The following NRXN1 variants were observed in gnomAD, a reference collection of about 807,000 sequenced individuals.
NRXN1 encodes the protein neurexin 1.
Under a neutral mutation model 150.9 loss-of-function variants are expected in NRXN1, and 39 were observed. That is an observed-to-expected ratio of 0.26 (90% confidence interval 0.20 to 0.34). The LOEUF is 0.34. Ranked by LOEUF, NRXN1 falls within the 10% of genes least tolerant of loss-of-function variation. The pLI is 1.00. For missense variants in NRXN1, 1,815 were observed against 1,949.9 expected, an observed-to-expected ratio of 0.93 and a Z score of 1.30; for synonymous variants, 924 against 757.0, an observed-to-expected ratio of 1.22 and a Z score of -3.62.
intron 17 of NRXN1, among the ~76,000 whole-genome samples, chr2:50,361,349 AATAG>A (rs1205152967): frequency 3.3e-5 from 5 of 152,302 alleles, no homozygotes; most frequent in East Asian, 3.9e-4. Flanking sequence ...AGATCAACAA[AATAG>A]ATAGACCACT....
intron 18 of NRXN1, among the ~76,000 whole-genome samples, chr2:50,116,743 G>A (rs1440187615): frequency 2.0e-5 from 3 of 152,026 alleles, no homozygotes; most frequent in Admixed American, 2.0e-4. Flanking sequence ...ACATTTTCAT[G>A]CAAATCAAGT....
intron 2 of NRXN1, among the ~76,000 whole-genome samples, chr2:50,959,501 C>G (rs1692803432): frequency 6.6e-6 from 1 of 151,866 alleles, no homozygotes; most frequent in South Asian, 2.1e-4. Context: ...TCCCAAAATG[C>G]CACATCTTAT....
At chr2:50,633,691 C>T (rs1273037759) in intron 5 of NRXN1, among the ~76,000 whole-genome samples, 1 of 151,986 alleles carries the variant, frequency 6.6e-6, no homozygotes, top group Non-Finnish European at 1.5e-5. Flanking sequence ...TCTTTGATTT[C>T]AACACAGAAA....
At chr2:50,264,583 T>C (rs1056569722) in intron 17 of NRXN1, among the ~76,000 whole-genome samples, 2 of 151,980 alleles carry the variant, frequency 1.3e-5, no homozygotes, top group African/African-American at 4.8e-5. Flanking sequence ...TATCTATGTA[T>C]AATAAATCAA....
chr2:50,300,230 A>G (rs2074024513), intron 17 of NRXN1, among the ~76,000 whole-genome samples: 1 of 152,220 alleles, frequency 6.6e-6, no homozygotes, highest in Non-Finnish European at 1.5e-5. Flanking sequence ...TAACTTTTTA[A>G]GCTGGACTGA....
intron 5 of NRXN1, among the ~76,000 whole-genome samples, chr2:50,638,436 A>T (rs1391772591): frequency 1.3e-5 from 2 of 152,178 alleles, no homozygotes; most frequent in African/African-American, 4.8e-5. Flanking sequence ...AATAAAATAG[A>T]CACATTATAA....
chr2:50,059,812 G>A (rs1694227524), intron 19 of NRXN1, among the ~76,000 whole-genome samples: 2 of 152,208 alleles, frequency 1.3e-5, no homozygotes, highest in Non-Finnish European at 1.5e-5. Context: ...TACATGTAGT[G>A]TTGAGCCCGT....
intron 18 of NRXN1, among the ~76,000 whole-genome samples, chr2:50,127,221 T>A (rs573181818): frequency 6.6e-6 from 1 of 152,128 alleles, no homozygotes; most frequent in African/African-American, 2.4e-5. Context: ...GAGGGAATCT[T>A]AAAAGGGCAA....
At chr2:50,003,671 T>C (rs1044653281) in intron 21 of NRXN1, among the ~76,000 whole-genome samples, 1 of 152,160 alleles carries the variant, frequency 6.6e-6, no homozygotes, top group African/African-American at 2.4e-5. Context: ...GGTTATAAAT[T>C]TTAAAATTAT....
intron 21 of NRXN1, among the ~76,000 whole-genome samples, chr2:50,036,097 C>T (rs1689988511): frequency 6.6e-6 from 1 of 152,090 alleles, no homozygotes; most frequent in Admixed American, 6.6e-5. Context: ...TGTGTCCCTA[C>T]CCAAAATCTC....
intron 5 of NRXN1, among the ~76,000 whole-genome samples, chr2:50,679,473 G>A (rs74181209): frequency 0.047 from 7,122 of 152,220 alleles, 247 homozygotes; most frequent in Non-Finnish European, 0.074. Context: ...CAAGATTTTA[G>A]TGTGGTTTCA....
chr2:50,035,235 C>T (rs78947503), intron 21 of NRXN1, among the ~76,000 whole-genome samples: 2,372 of 152,154 alleles, frequency 0.016, 70 homozygotes, highest in African/African-American at 0.053. Context: ...TTTACATTTT[C>T]GTATCAGCAT....
intron 17 of NRXN1, among the ~76,000 whole-genome samples, chr2:50,413,014 T>C (rs985253170): frequency 1.3e-5 from 2 of 152,128 alleles, no homozygotes; most frequent in Non-Finnish European, 2.9e-5. Flanking sequence ...CTCCAGGACA[T>C]TTTTTTGGGC....
chr2:50,364,563 C>G (rs968900751), intron 17 of NRXN1, among the ~76,000 whole-genome samples: 4 of 152,108 alleles, frequency 2.6e-5, no homozygotes, highest in African/African-American at 9.7e-5. Context: ...CAATTCTCTC[C>G]TGCTTCTCTC....
intron 17 of NRXN1, among the ~76,000 whole-genome samples, chr2:50,280,203 G>C (rs1347812393): frequency 6.7e-6 from 1 of 148,564 alleles, no homozygotes. Flanking sequence ...GCGTGAACAC[G>C]GGAGGCGGAG....
chr2:50,279,695 G>T (rs935170249), intron 17 of NRXN1, among the ~76,000 whole-genome samples: 1 of 150,816 alleles, frequency 6.6e-6, no homozygotes, highest in East Asian at 2.0e-4. Flanking sequence ...AATAGTGCTT[G>T]TTTATAGACC....
intron 8 of NRXN1, among the ~76,000 whole-genome samples, chr2:50,593,075 T>C (rs1674552404): frequency 6.6e-6 from 1 of 152,240 alleles, no homozygotes; most frequent in East Asian, 1.9e-4. Context: ...TCTCAATCAC[T>C]ACAAAATGAA....
intron 21 of NRXN1, among the ~76,000 whole-genome samples, chr2:49,979,916 T>TTTTTC (rs1558627057): frequency 6.6e-6 from 1 of 151,432 alleles, no homozygotes. Context: ...GTTTTTTTTT[T>TTTTTC]CTGCTACTGT....
Position 50,494,424 on chromosome 2 carries a change from G to A in NRXN1, c.3070+1481C>T, listed in dbSNP as rs534192802. On this transcript the variant is annotated intron_variant, in intron 15 of 22. Coordinates refer to ENST00000401669, the MANE Select transcript of NRXN1 (RefSeq NM_001330078.2). The stretch of plus-strand genomic sequence containing the variant: ...CACCTGAGCCCACTGTGCAAAACAG[G>A]GGGCCATGAAAAATACAGAAGAAAA... 3.2e-4 allele frequency among the ~76,000 whole-genome samples: 49 copies of A among 152,190 alleles called. 1 individual carries two copies. In the South Asian group the frequency reaches 0.01, roughly 32 times the overall value.
Sources: gnomAD v4.1 joint callset for allele counts (sites outside exome capture counted in the v4.1 genomes callset) on GRCh38, gnomAD v4.1.1 for gene constraint, MANE v1.5 for transcripts, NCBI Gene and HGNC (gene_info 2026-07-23, HGNC 2026-07-21) for gene names.